Variants in KCNH5 observed in about 807,000 individuals in gnomAD.
The protein encoded by KCNH5 is potassium voltage-gated channel subfamily H member 5.
KCNH5 carries 46 observed loss-of-function variants against 96.1 expected under a neutral mutation model. The ratio of observed to expected loss-of-function variants is 0.48; its 90% CI spans 0.38 to 0.61. The LOEUF is 0.61. KCNH5 is among the 20% of genes least tolerant of loss of function. The pLI is 0.00. For missense variants in KCNH5, 907 were observed against 1,225.8 expected (o/e 0.74, Z 3.88); for synonymous variants, 439 against 449.8 (o/e 0.98, Z 0.30).
intron 10 of KCNH5, among the ~76,000 whole-genome samples, chr14:62,767,079 A>G (rs7144921): frequency 5.7e-4 from 86 of 150,946 alleles, no homozygotes; most frequent in African/African-American, 2.1e-3. Context: ...AAAATTCTCA[A>G]CATCAATAGT....
At chr14:62,980,692 G>A (rs1340584158) in intron 6 of KCNH5, among the ~76,000 whole-genome samples, 180 bp downstream of exon 6, 4 of 152,070 alleles carry the variant, frequency 2.6e-5, no homozygotes, top group African/African-American at 4.8e-5. Flanking sequence ...AGATATCAAG[G>A]AGAAGAAACA....
intron 6 of KCNH5, among the ~76,000 whole-genome samples, chr14:62,953,778 T>C (rs1488074742): frequency 1.3e-5 from 2 of 152,178 alleles, no homozygotes; most frequent in African/African-American, 4.8e-5. Context: ...CATGATTTCC[T>C]GGTTTTTTCT....
chr14:62,727,279 C>T (rs1040634250), intron 10 of KCNH5, among the ~76,000 whole-genome samples: 11 of 152,064 alleles, frequency 7.2e-5, no homozygotes, highest in African/African-American at 2.7e-4. Context: ...GCAGGAGAAT[C>T]ACTTGAACCT....
intron 10 of KCNH5, among the ~76,000 whole-genome samples, chr14:62,758,610 T>C (rs1296563628): frequency 6.6e-6 from 1 of 152,216 alleles, no homozygotes; most frequent in Non-Finnish European, 1.5e-5. Flanking sequence ...TCATTATGCA[T>C]TTAATCAGAA....
chr14:62,713,184 G>A (rs568321906), intron 10 of KCNH5, among the ~76,000 whole-genome samples: 1 of 152,314 alleles, frequency 6.6e-6, no homozygotes, highest in East Asian at 1.9e-4. Flanking sequence ...GTATGACGTG[G>A]TGCGTCTAGG....
chr14:63,033,528 T>C (rs1346107071), intron 1 of KCNH5, among the ~76,000 whole-genome samples: 1 of 152,204 alleles, frequency 6.6e-6, no homozygotes, highest in Non-Finnish European at 1.5e-5. Context: ...CCCCTTTTCA[T>C]CCAAAATGCT....
intron 10 of KCNH5, among the ~76,000 whole-genome samples, chr14:62,757,579 T>C (rs1885650454): frequency 6.7e-6 from 1 of 150,178 alleles, no homozygotes; most frequent in Non-Finnish European, 1.5e-5. Flanking sequence ...AAAGAAAATG[T>C]GGCATATACA....
rs1482664170 is a variant in KCNH5, at chr14:62,826,403, C to CATGCGT, written c.1569+23249_1569+23250insACGCAT. ...GATTTTGTGTGTGTGTGTGTGCGTG[C>CATGCGT]GTGCATGTGTGTGTGTGTGTGTGTG... On this transcript the variant is annotated intron_variant, in intron 8 of 10. Coordinates refer to ENST00000322893, the MANE Select transcript of KCNH5 (RefSeq NM_139318.5). 6.4e-5 allele frequency among the ~76,000 whole-genome samples: 6 copies of CATGCGT among 93,824 alleles called. No individual in the cohort carries two copies. The East Asian group carries it at 1.6e-3, about 24-fold the overall frequency. 61.6% of individuals were successfully genotyped at this position (93,824 alleles called of 152,430 possible). A position where few individuals can be genotyped will look rare whatever the true frequency, so the allele number is the denominator to read the frequency against.
chr14:62,905,954 C>T (rs552687260), intron 7 of KCNH5, among the ~76,000 whole-genome samples: 8 of 152,324 alleles, frequency 5.3e-5, no homozygotes, highest in African/African-American at 1.9e-4. Flanking sequence ...CTACTCCCCA[C>T]CCTAACTCTC....
At chr14:62,798,539 T>C (rs1886585624) in intron 9 of KCNH5, among the ~76,000 whole-genome samples, 1 of 152,232 alleles carries the variant, frequency 6.6e-6, no homozygotes, top group African/African-American at 2.4e-5. Context: ...TTGGAATTCT[T>C]TGTGTTTTAT....
In KCNH5 at chr14:63,038,324, T is replaced by C. The variant is rs907145114; in HGVS notation, c.73+6790A>G. 1.1e-4 allele frequency among the ~76,000 whole-genome samples: 16 copies of C among 152,190 alleles called. 1 individual carries two copies. Among genetic ancestry groups the C allele is most frequent in the Admixed American group, 3.3e-4 (5 of 15,268 alleles). On this transcript the variant is annotated intron_variant, in intron 1 of 10. Transcript: ENST00000322893. ...AAAAGTCTTTTTAAGATATGACCCA[T>C]ATCCTCAGGGAGCTTAGTTCATATA... is the stretch of plus-strand genomic sequence containing the variant.
At chr14:62,862,812 T>A (rs1382363700) in intron 7 of KCNH5, among the ~76,000 whole-genome samples, 1 of 152,194 alleles carries the variant, frequency 6.6e-6, no homozygotes, top group Non-Finnish European at 1.5e-5. Context: ...TGTAGCTGCC[T>A]GAGGAAACCC....
At chr14:62,878,008 T>C (rs1266852031) in intron 7 of KCNH5, among the ~76,000 whole-genome samples, 1 of 151,374 alleles carries the variant, frequency 6.6e-6, no homozygotes, top group East Asian at 1.9e-4. Flanking sequence ...TGGAATACTA[T>C]GCAGCCATAA....
At position 62,915,369 on chromosome 14, in the gene KCNH5, G is replaced by T. The variant is rs143100016; in HGVS notation, c.1369+34764C>A. Among the ~76,000 whole-genome samples, 144 of 152,270 alleles carry T rather than the reference G, an allele frequency of 9.5e-4. 3 individuals carry two copies. The highest frequency in any genetic ancestry group is 8.3e-3 in the South Asian group (40 of 4,832). On this transcript the variant is annotated intron_variant, in intron 7 of 10. Coordinates refer to ENST00000322893, the MANE Select transcript of KCNH5 (RefSeq NM_139318.5). ...TCCAAAACTACTGTCATTTTTGGAA[G>T]AAACGTGATGAAAACATACTACAGA...
At chr14:62,847,081 T>G (rs1041064251) in intron 8 of KCNH5, among the ~76,000 whole-genome samples, 4 of 148,826 alleles carry the variant, frequency 2.7e-5, no homozygotes, top group Non-Finnish European at 5.9e-5. Flanking sequence ...ATTACAGGCG[T>G]GAGCCACCGC....
chr14:62,871,108 C>CTCT (rs1167471666), intron 7 of KCNH5, among the ~76,000 whole-genome samples: 1 of 152,118 alleles, frequency 6.6e-6, no homozygotes, highest in Admixed American at 6.6e-5. Flanking sequence ...ACATGTCAAG[C>CTCT]TCTTGTCTTC....
chr14:62,985,583 T>G (rs768473553), intron 5 of KCNH5, among the ~76,000 whole-genome samples: 5 of 152,222 alleles, frequency 3.3e-5, no homozygotes, highest in Non-Finnish European at 7.3e-5. Flanking sequence ...AATGAGCTTT[T>G]TGGCATCTTT....
At chr14:62,780,864 A>C (rs1255617368) in intron 9 of KCNH5, among the ~76,000 whole-genome samples, 1 of 152,184 alleles carries the variant, frequency 6.6e-6, no homozygotes, top group East Asian at 1.9e-4. Flanking sequence ...AAAAGTTTTA[A>C]AGTGAAAAAG....
At chr14:62,840,566 C>CTTTTT (rs71120238) in intron 8 of KCNH5, among the ~76,000 whole-genome samples, 61 of 76,370 alleles carry the variant, frequency 8.0e-4, no homozygotes, top group Non-Finnish European at 9.3e-4. Context: ...TCTTTTTTTT[C>CTTTTT]TTTTTTTTTT....
Sources: gnomAD v4.1 joint callset for allele counts (sites outside exome capture counted in the v4.1 genomes callset) on GRCh38, gnomAD v4.1.1 for gene constraint, MANE v1.5 for transcripts, NCBI Gene and HGNC (gene_info 2026-07-23, HGNC 2026-07-21) for gene names.